DRD4: variants seen among roughly 807,000 people sequenced by gnomAD.
The protein encoded by DRD4 is dopamine receptor D4.
In DRD4, 26 loss-of-function variants were observed where a neutral mutation model predicts 22.1. The ratio of observed to expected loss-of-function variants is 1.17; its 90% CI spans 0.86 to 1.63. DRD4 has a LOEUF of 1.63. Ranked by LOEUF, DRD4 falls within the 40% of genes most tolerant of loss-of-function variation. DRD4 has a pLI of 0.00. For missense variants in DRD4, 913 were observed against 632.4 expected (o/e 1.44, Z -4.76); for synonymous variants, 455 against 306.7 (o/e 1.48, Z -5.05).
At position 637,557 on chromosome 11, in the gene DRD4, C is replaced by A; in HGVS notation, c.253C>A (p.Leu85Ile). 6.4e-7 allele frequency: 1 copy of A among 1,559,986 alleles called. No homozygotes were observed. The highest frequency in any genetic ancestry group is 1.4e-5 in the African/African-American group (1 of 73,952). Residue 85 changes from leucine (L) to isoleucine (I), a missense_variant, in exon 1 of 4, where the codon CTC becomes ATC. By Grantham distance (5) the Leu-to-Ile change is conservative. Transcript: ENST00000176183. ...SLAAADLLLA[L>I]LVLPLFVYSE... Reference sequence around the variant, plus strand: ...GGCGGCCGCCGACCTCCTCCTCGCTCTCCTGGTGCTGCCGCTCTTCGTCTA... The same window carrying A: ...GGCGGCCGCCGACCTCCTCCTCGCTATCCTGGTGCTGCCGCTCTTCGTCTA...
At chr11:638,655 A>C (rs753807279) in intron 1 of DRD4, among the ~76,000 whole-genome samples, 12 of 152,196 alleles carry the variant, frequency 7.9e-5, no homozygotes, top group Non-Finnish European at 1.5e-4. Flanking sequence ...TCTCCCACAG[A>C]GAACTTAGCC....
At position 639,948 on chromosome 11, in the gene DRD4, C is replaced by A; in HGVS notation, c.699C>A (p.Arg233=). 3 of 1,450,964 alleles carry A rather than the reference C, an allele frequency of 2.1e-6. No individual in the cohort carries two copies. The highest frequency in any genetic ancestry group is 2.3e-5 in the Admixed American group (1 of 42,588). The allele number at this position is 1,450,964 out of a possible 1,614,324, so 89.9% of individuals were successfully genotyped here. A position where few individuals can be genotyped will look rare whatever the true frequency, so the allele number is the denominator to read the frequency against. The stretch of plus-strand genomic sequence containing the variant: ...CACGTCGCGCCAAGCTGCACGGCCG[C>A]GCGCCCCGCCGACCCAGCGGCCCTG... The part of the protein sequence containing the change: ...EVARRAKLHG[R]APRRPSGPGP... The change falls in exon 3 of 4, where the codon CGC becomes CGA. Residue 233 remains arginine (R), a synonymous_variant. Transcript: ENST00000176183.
chr11:639,588 C>G, intron 2 of DRD4, 43 bp downstream of exon 2: 5 of 1,290,634 alleles, frequency 3.9e-6, no homozygotes, highest in Non-Finnish European at 4.9e-6. Flanking sequence ...CCCCGCGCCC[C>G]GCCCGCCGCC....
intron 1 of DRD4, among the ~76,000 whole-genome samples, chr11:638,747 T>A (rs551024880): frequency 6.6e-5 from 10 of 152,120 alleles, no homozygotes; most frequent in Non-Finnish European, 1.5e-4. Context: ...TTGAGCCCGA[T>A]GATATCAGGC....
chr11:638,327 G>C (rs892493917), intron 1 of DRD4, among the ~76,000 whole-genome samples: 9 of 152,202 alleles, frequency 5.9e-5, no homozygotes, highest in African/African-American at 1.9e-4. Flanking sequence ...GTTTCCCCTT[G>C]ATGGACACAG....
At chr11:637,986 GAC>G (rs67940799) in intron 1 of DRD4, among the ~76,000 whole-genome samples, 122,045 of 151,652 alleles carry the variant, frequency 0.8, 49,310 homozygotes, top group East Asian at 0.92. Flanking sequence ...GCTGCCGTGG[GAC>G]ACACACACAC....
Position 639,985 on chromosome 11 carries a change from C to G in DRD4, c.736C>G (p.Pro246Ala). The change falls in exon 3 of 4, where the codon CCC (proline) becomes GCC (alanine). Residue 246 changes from proline to alanine, a missense_variant. Coordinates refer to ENST00000176183, the MANE Select transcript of DRD4 (RefSeq NM_000797.4). ...ACCCAGCGGCCCTGGCCCGCCTTCC[C>G]CCACGCCACCCGCGCCCCGCCTCCC... ...RRPSGPGPPS[P>A]TPPAPRLPQD... 1 of 1,318,206 alleles carries G rather than the reference C, an allele frequency of 7.6e-7. No homozygotes were observed. Among genetic ancestry groups the G allele is most frequent in the Non-Finnish European group, 9.6e-7 (1 of 1,045,202 alleles). The allele number at this position is 1,318,206 out of a possible 1,614,324, so 81.7% of individuals were successfully genotyped here.
In DRD4 at chr11:639,738, CGCGGCGGTG is replaced by C; in HGVS notation, c.496_504del (p.Val166_Ala168del). 6.5e-7 allele frequency: 1 copy of C among 1,530,150 alleles called. No homozygotes were observed. Among genetic ancestry groups the C allele is most frequent in the Non-Finnish European group, 8.7e-7 (1 of 1,147,742 alleles). The allele number at this position is 1,530,150 out of a possible 1,614,324, so 94.8% of individuals were successfully genotyped here. On this transcript the variant is annotated inframe_deletion, in exon 3 of 4. Transcript: ENST00000176183. The stretch of plus-strand genomic sequence containing the variant: ...TCATCGGCGCCACGTGGCTGCTGTC[CGCGGCGGTG>C]GCGGCGCCCGTACTGTGCGGCCTCA...
chr11:640,357 G>A, intron 3 of DRD4, 44 bp from the exon 4 acceptor site: 1 of 1,543,738 alleles, frequency 6.5e-7, no homozygotes, highest in Non-Finnish European at 8.8e-7. Flanking sequence ...GGGGTACGAG[G>A]CCGGCTGGGC....
rs376775543 is a variant in DRD4 at position 639,717 on chromosome 11, C to A, written c.468C>A (p.Ile156=). 57 of 1,503,244 alleles carry A rather than the reference C, an allele frequency of 3.8e-5. 1 individual carries two copies. The highest frequency in any genetic ancestry group is 2.3e-4 in the Middle Eastern group (1 of 4,306). The allele number at this position is 1,503,244 out of a possible 1,614,324, so 93.1% of individuals were successfully genotyped here. ...QGGSRRQLLL[I]GATWLLSAAV... is the part of the protein sequence containing the mutation. ...GGAGCCGCCGGCAGCTGCTGCTCAT[C>A]GGCGCCACGTGGCTGCTGTCCGCGG... is the stretch of plus-strand genomic sequence containing the variant. The change falls in exon 3 of 4, where the codon ATC becomes ATA. Residue 156 remains isoleucine, a synonymous_variant. Transcript: ENST00000176183.
At chr11:639,567 C>G in intron 2 of DRD4, 22 bp downstream of exon 2, 1 of 1,403,206 alleles carries the variant, frequency 7.1e-7, no homozygotes, top group Non-Finnish European at 9.3e-7. Flanking sequence ...TCCCCGCCCG[C>G]GCCCCGGCGC....
At position 637,287 on chromosome 11, in the gene DRD4, CGCCCGCCCGGGCGCGCCA is replaced by C. The variant is rs1472603620; in HGVS notation, c.-17_1del. 8.4e-7 allele frequency: 1 copy of C among 1,189,620 alleles called. No individual in the cohort carries two copies. The highest frequency in any genetic ancestry group is 1.6e-5 in the African/African-American group (1 of 61,964). 73.7% of individuals were successfully genotyped at this position (1,189,620 alleles called of 1,614,324 possible). A position where few individuals can be genotyped will look rare whatever the true frequency, so the allele number is the denominator to read the frequency against. ...ACCCGGCGTTGTCCGCGGTGCTCAG[CGCCCGCCCGGGCGCGCCA>C]TGGGGAACCGCAGCACCGCGGACGC... On this transcript the variant is annotated start_lost and 5_prime_UTR_variant, in exon 1 of 4. Coordinates refer to ENST00000176183, the MANE Select transcript of DRD4 (RefSeq NM_000797.4).
chr11:640,006 CTCCCCCA>C lies in DRD4; in HGVS notation c.758_764del (p.Leu253ArgfsTer91). The C allele has an allele frequency of 4.7e-6, 6 of 1,274,528 alleles. No homozygotes were observed. Among genetic ancestry groups the C allele is most frequent in the East Asian group, 3.6e-5 (1 of 27,646 alleles). 79.0% of individuals were successfully genotyped at this position (1,274,528 alleles called of 1,614,324 possible). The stretch of plus-strand genomic sequence containing the variant: ...TTCCCCCACGCCACCCGCGCCCCGC[CTCCCCCA>C]GGACCCCTGCGGCCCCGACTGTGCG... On this transcript the variant is annotated frameshift_variant, in exon 3 of 4. Transcript: ENST00000176183. LOFTEE classifies it high-confidence loss of function.
Position 637,439 on chromosome 11 carries a change from C to T in DRD4, c.135C>T (p.Ile45=), listed in dbSNP as rs779264328. 4.1e-5 allele frequency: 63 copies of T among 1,532,308 alleles called. No homozygotes were observed. In the South Asian group the frequency reaches 6.9e-4, roughly 17 times the overall value. The allele number at this position is 1,532,308 out of a possible 1,614,324, so 94.9% of individuals were successfully genotyped here. A position where few individuals can be genotyped will look rare whatever the true frequency, so the allele number is the denominator to read the frequency against. Residue 45 remains isoleucine (I), a synonymous_variant, in exon 1 of 4, where the codon ATC becomes ATT. Coordinates refer to ENST00000176183, the MANE Select transcript of DRD4 (RefSeq NM_000797.4). ...AAALVGGVLL[I]GAVLAGNSLV... ...CGCTGGTGGGGGGCGTGCTGCTCAT[C>T]GGCGCGGTGCTCGCGGGGAACTCGC...
chr11:639,441 T>G lies in DRD4; in HGVS notation c.294T>G (p.Gly98=). The G allele has an allele frequency of 1.3e-6, 2 of 1,591,946 alleles. No individual in the cohort carries two copies. Among genetic ancestry groups the G allele is most frequent in the Non-Finnish European group, 1.7e-6 (2 of 1,175,954 alleles). ...GTGGTGTCGCCGCGCAGGTCCAGGGTGGCGCGTGGCTGCTGAGCCCCCGCC... is the reference window on the plus strand; with the variant it reads ...GTGGTGTCGCCGCGCAGGTCCAGGGGGGCGCGTGGCTGCTGAGCCCCCGCC... ...LPLFVYSEVQ[G]GAWLLSPRLC... The change falls in exon 2 of 4, where the codon GGT becomes GGG. Residue 98 remains glycine (G), a synonymous_variant. Coordinates refer to ENST00000176183, the MANE Select transcript of DRD4 (RefSeq NM_000797.4).
chr11:639,672 G>C lies in DRD4; in HGVS notation c.423G>C (p.Leu141=), dbSNP rs1858158871. ...GGTTCGTGGCCGTGGCCGTGCCGCTGCGCTACAACCGGCAGGGTGGGAGCC... is the reference window on the plus strand; with the variant it reads ...GGTTCGTGGCCGTGGCCGTGCCGCTCCGCTACAACCGGCAGGGTGGGAGCC... ...VDRFVAVAVP[L]RYNRQGGSRR... Residue 141 remains leucine, a synonymous_variant, in exon 3 of 4, where the codon CTG becomes CTC. Transcript: ENST00000176183. 6.8e-7 allele frequency: 1 copy of C among 1,469,268 alleles called. No homozygotes were observed. The highest frequency in any genetic ancestry group is 9.0e-7 in the Non-Finnish European group (1 of 1,115,278). 91.0% of individuals were successfully genotyped at this position (1,469,268 alleles called of 1,614,324 possible).
rs1476432704 is a variant in DRD4, at chr11:639,538, G to A, written c.391G>A (p.Val131Met). The change falls in exon 2 of 4, where the codon GTG becomes ATG. Residue 131 changes from valine to methionine, a missense_variant. Transcript: ENST00000176183. ...CATCTTCAACCTGTGCGCCATCAGC[G>A]TGGACAGGTGCGCCGCCCTCCCCGC... ...ASIFNLCAIS[V>M]DRFVAVAVPL... The A allele has an allele frequency of 2.5e-6, 4 of 1,573,858 alleles. No homozygotes were observed. The highest frequency in any genetic ancestry group is 1.7e-4 in the Middle Eastern group (1 of 5,982).
chr11:637,709 C>A (rs12720388), intron 1 of DRD4, 120 bp downstream of exon 1: 2 of 1,505,764 alleles, frequency 1.3e-6, no homozygotes, highest in Non-Finnish European at 1.8e-6. Context: ...GCTGGGGCGG[C>A]GGCAGGGGCG....
Position 640,137 on chromosome 11 carries a change from C to G in DRD4, c.888C>G (p.Pro296=), listed in dbSNP as rs762220931. The G allele has an allele frequency of 7.0e-7, 1 of 1,432,920 alleles. No homozygotes were observed. The highest frequency in any genetic ancestry group is 1.5e-5 in the African/African-American group (1 of 65,326). 88.8% of individuals were successfully genotyped at this position (1,432,920 alleles called of 1,614,324 possible). A position where few individuals can be genotyped will look rare whatever the true frequency, so the allele number is the denominator to read the frequency against. ...PQDPCGPDCA[P]PAPGLPPDPC... ...ACCCCTGCGGCCCCGACTGTGCGCC[C>G]CCCGCGCCCGGCCTCCCCCCGGACC... Residue 296 remains proline, a synonymous_variant, in exon 3 of 4, where the codon CCC becomes CCG. Transcript: ENST00000176183.
Sources: gnomAD v4.1 joint callset for allele counts (sites outside exome capture counted in the v4.1 genomes callset) on GRCh38, gnomAD v4.1.1 for gene constraint, MANE v1.5 for transcripts, NCBI Gene and HGNC (gene_info 2026-07-23, HGNC 2026-07-21) for gene names.